The following NRDE2 variants were observed in gnomAD, a reference collection of about 807,000 sequenced individuals.
NRDE2 encodes the protein nuclear exosome regulator NRDE2.
In NRDE2, 76 loss-of-function variants were observed where a neutral mutation model predicts 124.2. The observed-to-expected ratio is 0.61, with a 90% CI of 0.51 to 0.74. The LOEUF (loss-of-function observed/expected upper bound fraction) is 0.74. Among genes scored for constraint, NRDE2 ranks in the 30% least tolerant of loss-of-function variants. NRDE2 has a pLI of 0.00. For synonymous variants in NRDE2, 489 were observed against 528.1 expected (o/e 0.93, Z 1.01); for missense variants, 1,314 against 1,417.3 (o/e 0.93, Z 1.17).
chr14:90,282,708 C>T (rs79199168), intron 12 of NRDE2, among the ~76,000 whole-genome samples: 2,741 of 151,956 alleles, frequency 0.018, 81 homozygotes, highest in African/African-American at 0.063. Flanking sequence ...ACTCTTGTTG[C>T]CTAGACTGGA....
At chr14:90,326,863 C>A (rs1303329632) in intron 1 of NRDE2, among the ~76,000 whole-genome samples, 1 of 152,034 alleles carries the variant, frequency 6.6e-6, no homozygotes, top group Non-Finnish European at 1.5e-5. Context: ...TGGGCCATGT[C>A]CTTAAAACAA....
intron 3 of NRDE2, among the ~76,000 whole-genome samples, chr14:90,314,236 A>AC (rs1884958753): frequency 6.6e-6 from 1 of 152,228 alleles, no homozygotes; most frequent in Non-Finnish European, 1.5e-5. Context: ...ACCCTGAAAC[A>AC]GAGTCTCATA....
At chr14:90,321,826 C>A (rs1386171948) in intron 1 of NRDE2, among the ~76,000 whole-genome samples, 1 of 152,160 alleles carries the variant, frequency 6.6e-6, no homozygotes, top group Admixed American at 6.6e-5. Context: ...CTTTTCTTAG[C>A]CAAGGAACTC....
chr14:90,322,700 C>G (rs1389287094), intron 1 of NRDE2, among the ~76,000 whole-genome samples: 1 of 152,214 alleles, frequency 6.6e-6, no homozygotes, highest in African/African-American at 2.4e-5. Context: ...AAGAAAGGTT[C>G]TGCTCACATG....
Position 90,274,836 on chromosome 14 carries a change from A to ACCCCCCC in NRDE2, c.*3499_*3500insGGGGGGG, listed in dbSNP as rs1270606628. 14 of 59,232 alleles carry ACCCCCCC rather than the reference A, an allele frequency of 2.4e-4. No individual in the cohort carries two copies. Among genetic ancestry groups the ACCCCCCC allele is most frequent in the Admixed American group, 3.8e-4 (2 of 5,314 alleles). The allele number at this position is 59,232 out of a possible 1,614,324, so 3.7% of individuals were successfully genotyped here. On this transcript the variant is annotated 3_prime_UTR_variant, in exon 14 of 14. Transcript: ENST00000354366. ...CACACACACACACACACACACACAC[A>ACCCCCCC]CACCCCAATACATATGAATTGATCT...
Position 90,290,281 on chromosome 14 carries a change from T to A in NRDE2, c.2169A>T (p.Leu723Phe). The A allele has an allele frequency of 1.2e-6, 2 of 1,613,912 alleles. No homozygotes were observed. Among genetic ancestry groups the A allele is most frequent in the Non-Finnish European group, 1.7e-6 (2 of 1,180,000 alleles). The change falls in exon 10 of 14, where the codon TTA becomes TTT. Residue 723 changes from leucine (L) to phenylalanine (F), a missense_variant. Physicochemically the swap from Leu to Phe is conservative, Grantham distance 22 (BLOSUM62 0). Coordinates refer to ENST00000354366, the MANE Select transcript of NRDE2 (RefSeq NM_017970.4). ...GCTGGGACTTCTCTTTGCCTGAAAA[T>A]AAAGGCATGACAAGGTGGAAGACAT... is the stretch of plus-strand genomic sequence containing the variant. ...IRNVFHLVMP[L>F]FSGKEKSQLC... is the part of the protein sequence containing the mutation.
At chr14:90,290,742 GCTCT>G in intron 9 of NRDE2, 135 bp from the exon 10 acceptor site, 1 of 1,120,520 alleles carries the variant, frequency 8.9e-7, no homozygotes, top group Non-Finnish European at 1.2e-6. Context: ...CAGGAGCTAA[GCTCT>G]CTGTTAGCAC....
chr14:90,320,241 G>A (rs565855365), intron 1 of NRDE2, among the ~76,000 whole-genome samples: 84 of 152,266 alleles, frequency 5.5e-4, no homozygotes, highest in African/African-American at 1.1e-3. Flanking sequence ...TAATTGACTC[G>A]TAGTTCCACA....
At chr14:90,308,733 C>T (rs1419319547) in intron 4 of NRDE2, among the ~76,000 whole-genome samples, 1 of 152,172 alleles carries the variant, frequency 6.6e-6, no homozygotes, top group African/African-American at 2.4e-5. Context: ...ACTACTTCAG[C>T]TTTGTCAATA....
chr14:90,320,435 C>T (rs1885201328), intron 1 of NRDE2, among the ~76,000 whole-genome samples: 2 of 152,174 alleles, frequency 1.3e-5, no homozygotes. Context: ...CGAACTGCCC[C>T]CAGGATCCAA....
chr14:90,305,005 C>T (rs532269635), intron 4 of NRDE2, among the ~76,000 whole-genome samples: 8 of 152,336 alleles, frequency 5.3e-5, no homozygotes, highest in Admixed American at 2.0e-4. Context: ...AGTTAACAAA[C>T]ACATGACTAC....
At chr14:90,302,693 C>G in intron 6 of NRDE2, 27 bp downstream of exon 6, 1 of 1,541,456 alleles carries the variant, frequency 6.5e-7, no homozygotes, top group Non-Finnish European at 8.7e-7. Flanking sequence ...ACTCCTCCCA[C>G]GTAACTGGAT....
rs773487771 is a variant in NRDE2 at position 90,274,811 on chromosome 14, CACACACACACACACACACACACACA to C, written c.*3500_*3524del. 2.1e-4 allele frequency: 19 copies of C among 90,554 alleles called. No homozygotes were observed. Among genetic ancestry groups the C allele is most frequent in the Non-Finnish European group, 2.9e-4 (12 of 41,322 alleles). The allele number at this position is 90,554 out of a possible 1,614,324, so 5.6% of individuals were successfully genotyped here. A position where few individuals can be genotyped will look rare whatever the true frequency, so the allele number is the denominator to read the frequency against. ...CTACACACACACACACACACACACA[CACACACACACACACACACACACACA>C]CACCCCAATACATATGAATTGATCT... is the stretch of plus-strand genomic sequence containing the variant. On this transcript the variant is annotated 3_prime_UTR_variant, in exon 14 of 14. Coordinates refer to ENST00000354366, the MANE Select transcript of NRDE2 (RefSeq NM_017970.4).
intron 4 of NRDE2, 84 bp from the exon 5 acceptor site, chr14:90,304,466 T>C: frequency 9.8e-7 from 1 of 1,019,018 alleles, no homozygotes; most frequent in Non-Finnish European, 1.4e-6. Flanking sequence ...ACCTAAACTC[T>C]CGTTATGCAG....
chr14:90,309,088 A>C (rs1375621579), intron 4 of NRDE2, among the ~76,000 whole-genome samples: 1 of 152,052 alleles, frequency 6.6e-6, no homozygotes, highest in Non-Finnish European at 1.5e-5. Flanking sequence ...TAAAAATACA[A>C]AAATACAAAA....
chr14:90,318,859 T>C (rs930981421), intron 1 of NRDE2, among the ~76,000 whole-genome samples: 5 of 152,208 alleles, frequency 3.3e-5, no homozygotes, highest in Non-Finnish European at 5.9e-5. Context: ...CCATGCTTAA[T>C]ATTATTACAG....
chr14:90,314,878 C>T (rs746384018), intron 3 of NRDE2, among the ~76,000 whole-genome samples: 19 of 151,832 alleles, frequency 1.3e-4, no homozygotes, highest in Non-Finnish European at 2.6e-4. Context: ...CTCTAAAGAG[C>T]AAGCTTGGGG....
intron 5 of NRDE2, among the ~76,000 whole-genome samples, 166 bp from the exon 6 acceptor site, chr14:90,303,291 T>G (rs2282033): frequency 0.29 from 43,906 of 152,168 alleles, 6,393 homozygotes; most frequent in South Asian, 0.35. Flanking sequence ...TTGTGTCACC[T>G]GATATGTTTG....
intron 12 of NRDE2, among the ~76,000 whole-genome samples, chr14:90,283,498 G>C (rs1196389027): frequency 6.6e-6 from 1 of 152,110 alleles, no homozygotes; most frequent in Admixed American, 6.5e-5. Flanking sequence ...GGGAGCATCT[G>C]CTCTGCTCCC....
Sources: gnomAD v4.1 joint callset for allele counts (sites outside exome capture counted in the v4.1 genomes callset) on GRCh38, gnomAD v4.1.1 for gene constraint, MANE v1.5 for transcripts, NCBI Gene and HGNC (gene_info 2026-07-23, HGNC 2026-07-21) for gene names.